Variants in TCEANC2 observed in about 807,000 individuals in gnomAD.
TCEANC2 encodes the protein transcription elongation factor A N-terminal and central domain containing 2.
In TCEANC2, 20 loss-of-function variants were observed where a neutral mutation model predicts 22.8. The ratio of observed to expected loss-of-function variants is 0.88; its 90% CI spans 0.62 to 1.28. TCEANC2 has a LOEUF of 1.28. Ranked by LOEUF, TCEANC2 falls within the 50% of genes most tolerant of loss-of-function variation. TCEANC2 has a pLI of 0.00. For missense variants in TCEANC2, 251 were observed against 249.7 expected, an observed-to-expected ratio of 1.01 and a Z score of -0.03; for synonymous variants, 84 against 95.5, an observed-to-expected ratio of 0.88 and a Z score of 0.70.
intron 4 of TCEANC2, among the ~76,000 whole-genome samples, chr1:54,092,384 T>C (rs186009534): frequency 3.3e-5 from 5 of 152,310 alleles, no homozygotes; most frequent in Admixed American, 2.0e-4. Flanking sequence ...AATCTGGGAA[T>C]GTTTCGGAGA....
At chr1:54,084,058 G>A (rs1281781013) in intron 3 of TCEANC2, among the ~76,000 whole-genome samples, 3 of 151,738 alleles carry the variant, frequency 2.0e-5, no homozygotes, top group African/African-American at 4.8e-5. Context: ...TGTCACCCAG[G>A]CTGGAGTGCA....
In TCEANC2 at chr1:54,102,883, T is replaced by A. The variant is rs1361061180; in HGVS notation, c.*6410T>A. 6.6e-6 allele frequency: 1 copy of A among 152,322 alleles called. No individual in the cohort carries two copies. The highest frequency in any genetic ancestry group is 1.5e-5 in the Non-Finnish European group (1 of 68,100). The allele number at this position is 152,322 out of a possible 1,614,324, so 9.4% of individuals were successfully genotyped here. A position where few individuals can be genotyped will look rare whatever the true frequency, so the allele number is the denominator to read the frequency against. ...CCTTCTAGTGGGCATAGGTTGTGCA[T>A]CATGCACCTAGCCATCCACTGTATG... On this transcript the variant is annotated 3_prime_UTR_variant, in exon 5 of 5. Transcript: ENST00000234827.
Position 54,096,503 on chromosome 1 carries a change from CAG to C in TCEANC2, c.*35_*36del. The C allele has an allele frequency of 6.4e-7, 1 of 1,572,448 alleles. No individual in the cohort carries two copies. The highest frequency in any genetic ancestry group is 8.7e-7 in the Non-Finnish European group (1 of 1,149,334). Reference sequence around the variant, plus strand: ...AGGACGGTTCCAGCCCTGGGCCAGGCAGAGAGGAAAATGGGCCTGTCTCTGCC... The same window carrying C: ...AGGACGGTTCCAGCCCTGGGCCAGGCAGAGGAAAATGGGCCTGTCTCTGCC... On this transcript the variant is annotated 3_prime_UTR_variant, in exon 5 of 5. Coordinates refer to ENST00000234827, the MANE Select transcript of TCEANC2 (RefSeq NM_153035.3). This position sits in a 1 kb window ranked among gnomAD's most constrained non-coding sequence, Gnocchi z 4.9.
intron 2 of TCEANC2, among the ~76,000 whole-genome samples, chr1:54,055,890 G>A (rs1293538606): frequency 6.6e-6 from 1 of 152,136 alleles, no homozygotes; most frequent in Non-Finnish European, 1.5e-5. Flanking sequence ...CTATATCAGT[G>A]TTTCTTCAAG....
At chr1:54,093,195 TC>T (rs1227239279) in intron 4 of TCEANC2, among the ~76,000 whole-genome samples, 2 of 152,234 alleles carry the variant, frequency 1.3e-5, no homozygotes, top group East Asian at 3.9e-4. Context: ...CTCCCAGTGT[TC>T]CTATCCTCAT....
At chr1:54,054,919 TCAAA>T (rs757124296) in intron 2 of TCEANC2, among the ~76,000 whole-genome samples, 3 of 152,240 alleles carry the variant, frequency 2.0e-5, no homozygotes, top group Non-Finnish European at 2.9e-5. Context: ...CAGAACTGTA[TCAAA>T]CAGCTTTACA....
At chr1:54,053,991 C>T (rs45481592) in intron 1 of TCEANC2, 155 of 197,296 alleles carry the variant, frequency 7.9e-4, no homozygotes, top group Middle Eastern at 1.7e-3. Flanking sequence ...GGGATTATGG[C>T]TGTGGTGAGG....
At position 54,064,423 on chromosome 1, in the gene TCEANC2, A is replaced by T. The variant is rs553990649; in HGVS notation, c.103-4333A>T. On this transcript the variant is annotated intron_variant, in intron 2 of 4. Transcript: ENST00000234827. Reference sequence around the variant, plus strand: ...AAGCAGCCTCAAGAGTGCAGGTTACAGAATTTTCTGGGGTTTGAATAGTTT... The same window carrying T: ...AAGCAGCCTCAAGAGTGCAGGTTACTGAATTTTCTGGGGTTTGAATAGTTT... Among the ~76,000 whole-genome samples the T allele has an allele frequency of 6.6e-5, 10 of 152,336 alleles. No individual in the cohort carries two copies. In the South Asian group the frequency reaches 2.1e-3, roughly 32 times the overall value.
At chr1:54,093,803 A>G (rs1200360879) in intron 4 of TCEANC2, among the ~76,000 whole-genome samples, 1 of 149,904 alleles carries the variant, frequency 6.7e-6, no homozygotes, top group Non-Finnish European at 1.5e-5. Flanking sequence ...ACAAACACAT[A>G]TACCCTTCTT....
chr1:54,086,305 A>T (rs1658338809), intron 3 of TCEANC2, among the ~76,000 whole-genome samples: 1 of 152,178 alleles, frequency 6.6e-6, no homozygotes, highest in Non-Finnish European at 1.5e-5. Context: ...AAAAGAGATA[A>T]CTGATCAAAT....
intron 2 of TCEANC2, among the ~76,000 whole-genome samples, chr1:54,068,339 G>A (rs1170884686): frequency 3.9e-5 from 6 of 152,156 alleles, no homozygotes; most frequent in Non-Finnish European, 5.9e-5. Flanking sequence ...TAGGAAGTGG[G>A]GAACTACTGA....
intron 3 of TCEANC2, among the ~76,000 whole-genome samples, chr1:54,075,451 AAT>A (rs755537952): frequency 2.0e-5 from 3 of 152,206 alleles, no homozygotes; most frequent in Non-Finnish European, 4.4e-5. Context: ...GCTAGAATGT[AAT>A]ATGCATGGCT....
chr1:54,062,491 T>C (rs934427643), intron 2 of TCEANC2, among the ~76,000 whole-genome samples: 1 of 152,188 alleles, frequency 6.6e-6, no homozygotes, highest in Non-Finnish European at 1.5e-5. Context: ...AGAAATAGTT[T>C]TGTTCAGTTA....
chr1:54,071,659 A>C (rs1053473289), intron 3 of TCEANC2, among the ~76,000 whole-genome samples: 1 of 152,194 alleles, frequency 6.6e-6, no homozygotes, highest in Non-Finnish European at 1.5e-5. Flanking sequence ...AGGCAACATA[A>C]GGGTATGAAT....
chr1:54,104,216 T>C lies in TCEANC2; in HGVS notation c.*7743T>C, dbSNP rs1658706676. ...AGCAGGAGTGCTCTCACTCTTACCA[T>C]CACTTCTAGTGACCCACTTGGAGTG... On this transcript the variant is annotated 3_prime_UTR_variant, in exon 5 of 5. Coordinates refer to ENST00000234827, the MANE Select transcript of TCEANC2 (RefSeq NM_153035.3). The C allele has an allele frequency of 6.3e-6, 1 of 158,710 alleles. No homozygotes were observed. Among genetic ancestry groups the C allele is most frequent in the African/African-American group, 2.4e-5 (1 of 41,638 alleles). 9.8% of individuals were successfully genotyped at this position (158,710 alleles called of 1,614,324 possible).
chr1:54,083,862 A>C (rs906915310), intron 3 of TCEANC2, among the ~76,000 whole-genome samples: 3 of 152,216 alleles, frequency 2.0e-5, no homozygotes, highest in African/African-American at 7.2e-5. Context: ...GCATATAAAC[A>C]AAAATGTTGT....
At chr1:54,063,472 G>A (rs753941747) in intron 2 of TCEANC2, among the ~76,000 whole-genome samples, 4 of 152,128 alleles carry the variant, frequency 2.6e-5, no homozygotes, top group African/African-American at 7.2e-5. Flanking sequence ...ATATGGAGTG[G>A]TGTGCTATTT....
downstream of TCEANC2, among the ~76,000 whole-genome samples, chr1:54,110,827 C>T (rs1006086740): frequency 6.6e-6 from 1 of 152,042 alleles, no homozygotes; most frequent in South Asian, 2.1e-4. Context: ...TGCATGCACT[C>T]TTCCCTCTGC....
At chr1:54,058,549 T>C (rs1023438063) in intron 2 of TCEANC2, among the ~76,000 whole-genome samples, 1 of 152,244 alleles carries the variant, frequency 6.6e-6, no homozygotes, top group Non-Finnish European at 1.5e-5. Flanking sequence ...AGGCTTGGCA[T>C]GGCACGTGAG....
Sources: gnomAD v4.1 joint callset for allele counts (sites outside exome capture counted in the v4.1 genomes callset) on GRCh38, gnomAD v4.1.1 for gene constraint, Gnocchi (gnomAD v3.1) non-coding constraint, MANE v1.5 for transcripts, NCBI Gene and HGNC (gene_info 2026-07-23, HGNC 2026-07-21) for gene names.